The following LY6D variants were observed in gnomAD, a reference collection of about 807,000 sequenced individuals.
The protein encoded by LY6D is lymphocyte antigen 6D.
A neutral mutation model predicts 5.6 loss-of-function variants in LY6D; 7 were observed. The observed-to-expected ratio is 1.24, with a 90% CI of 0.71 to 2.34. LY6D has a LOEUF of 2.34. Among genes scored for constraint, LY6D ranks in the 30% most tolerant of loss-of-function variants. The pLI is 0.00. For missense variants in LY6D, 148 were observed against 164.8 expected, an observed-to-expected ratio of 0.90 and a Z score of 0.56; for synonymous variants, 81 against 75.0, an observed-to-expected ratio of 1.08 and a Z score of -0.41.
chr8:142,785,602 C>A lies in LY6D; in HGVS notation c.138G>T (p.Lys46Asn). ...VVCPASSRFCKTTNTVEPLRG... is the reference protein window; with the variant it reads ...VVCPASSRFCNTTNTVEPLRG... ...GATGCTACCCACCTGTGTTCGTGGT[C>A]TTGCAGAAGCGAGAGCTGGCCGGGC... The change falls in exon 2 of 3, where the codon AAG becomes AAT. Residue 46 changes from lysine to asparagine, a missense_variant. By Grantham distance (94) the Lys-to-Asn change is moderately conservative. Coordinates refer to ENST00000301263, the MANE Select transcript of LY6D (RefSeq NM_003695.3). 1 of 1,613,664 alleles carries A rather than the reference C, an allele frequency of 6.2e-7. No individual in the cohort carries two copies. The highest frequency in any genetic ancestry group is 8.5e-7 in the Non-Finnish European group (1 of 1,179,972).
At chr8:142,786,281 G>A (rs1815653844) in intron 1 of LY6D, 184 bp downstream of exon 1, 5 of 1,367,688 alleles carry the variant, frequency 3.7e-6, no homozygotes, top group African/African-American at 1.5e-5. Context: ...CTCAGATTCT[G>A]AAACATTGTA....
chr8:142,785,692 C>A lies in LY6D; in HGVS notation c.53-5G>T, dbSNP rs376235496. The A allele has an allele frequency of 1.6e-5, 26 of 1,612,988 alleles. No individual in the cohort carries two copies. Among genetic ancestry groups the A allele is most frequent in the African/African-American group, 1.6e-4 (12 of 74,910 alleles). ...CGTGGCAGCGCAGGGTAAGGGCTGG[C>A]GGGGAGGGAGTCCGGCTCAGCGGGC... On this transcript the variant is annotated splice_region_variant and splice_polypyrimidine_tract_variant and intron_variant, in intron 1 of 2. Transcript: ENST00000301263.
chr8:142,786,030 A>G, intron 1 of LY6D: 3 of 1,205,020 alleles, frequency 2.5e-6, no homozygotes, highest in Non-Finnish European at 1.0e-6. Context: ...GGAGATGGCT[A>G]TGTTTCTGAG....
chr8:142,786,510 T>G lies in LY6D; in HGVS notation c.7A>C (p.Thr3Pro). 5 of 1,545,062 alleles carry G rather than the reference T, an allele frequency of 3.2e-6. No individual in the cohort carries two copies. Among genetic ancestry groups the G allele is most frequent in the Non-Finnish European group, 3.5e-6 (4 of 1,143,530 alleles). The change falls in exon 1 of 3, where the codon ACA becomes CCA. Residue 3 changes from threonine (T) to proline (P), a missense_variant. Transcript: ENST00000301263. Reference sequence around the variant, plus strand: ...AGGGCTGCAAGGAGCAGCAATGCTGTCCTCATCTCTGATGTCGTCTGGGAG... The same window carrying G: ...AGGGCTGCAAGGAGCAGCAATGCTGGCCTCATCTCTGATGTCGTCTGGGAG... The part of the protein sequence containing the change: MR[T>P]ALLLLAALAV...
At position 142,785,357 on chromosome 8, in the gene LY6D, G is replaced by A; in HGVS notation, c.251C>T (p.Thr84Ile). 6.2e-7 allele frequency: 1 copy of A among 1,613,738 alleles called. No homozygotes were observed. Among genetic ancestry groups the A allele is most frequent in the South Asian group, 1.1e-5 (1 of 91,080 alleles). ...GCACAGGTCCTCCTGGCAGCACTGG[G>A]TGGAGCTGGTGCCGCTGCTGACCTG... ...QGQVSSGTSS[T>I]QCCQEDLCNE... Residue 84 changes from threonine (T) to isoleucine (I), a missense_variant, in exon 3 of 3, where the codon ACC (threonine) becomes ATC (isoleucine). Transcript: ENST00000301263.
Position 142,785,142 on chromosome 8 carries a change from G to T in LY6D, c.*79C>A. ...TCAGCCTGGGGCTCCTGGCACCCCC[G>T]TTGCGGCTGGGGAAGAGAGGTGTGG... On this transcript the variant is annotated 3_prime_UTR_variant, in exon 3 of 3. Transcript: ENST00000301263. The T allele has an allele frequency of 1.7e-6, 2 of 1,195,318 alleles. No individual in the cohort carries two copies. The highest frequency in any genetic ancestry group is 1.2e-6 in the Non-Finnish European group (1 of 856,084). The allele number at this position is 1,195,318 out of a possible 1,614,324, so 74.0% of individuals were successfully genotyped here.
intron 1 of LY6D, chr8:142,786,228 C>T: frequency 7.4e-7 from 1 of 1,347,994 alleles, no homozygotes; most frequent in Non-Finnish European, 9.5e-7. Context: ...CCCCCTGCTC[C>T]ACTCTCTCAG....
Position 142,785,263 on chromosome 8 carries a change from C to G in LY6D, c.345G>C (p.Leu115=), listed in dbSNP as rs139532798. ...ALAHSALSLG[L]ALSLLAVILA... ...AGATGACGGCCAGGAGGCTCAGGGC[C>G]AGCCCCAGGCTGAGGGCACTGTGGG... The change falls in exon 3 of 3, where the codon CTG becomes CTC. Residue 115 remains leucine (L), a synonymous_variant. Transcript: ENST00000301263. 739 of 1,611,852 alleles carry G rather than the reference C, an allele frequency of 4.6e-4. No homozygotes were observed. Among genetic ancestry groups the G allele is most frequent in the Non-Finnish European group, 5.9e-4 (690 of 1,178,770 alleles).
intron 1 of LY6D, chr8:142,785,904 T>C: frequency 1.4e-6 from 2 of 1,413,062 alleles, no homozygotes; most frequent in Non-Finnish European, 1.8e-6. Flanking sequence ...GGAAGAGGTG[T>C]CCTGCCCTGC....
At position 142,785,156 on chromosome 8, in the gene LY6D, A is replaced by C; in HGVS notation, c.*65T>G. 3.1e-6 allele frequency: 4 copies of C among 1,295,552 alleles called. No homozygotes were observed. The highest frequency in any genetic ancestry group is 1.5e-5 in the African/African-American group (1 of 68,338). The allele number at this position is 1,295,552 out of a possible 1,614,324, so 80.3% of individuals were successfully genotyped here. On this transcript the variant is annotated 3_prime_UTR_variant, in exon 3 of 3. Coordinates refer to ENST00000301263, the MANE Select transcript of LY6D (RefSeq NM_003695.3). ...CTGGCACCCCCGTTGCGGCTGGGGA[A>C]GAGAGGTGTGGAATCCCCAGAGAAA... is the stretch of plus-strand genomic sequence containing the variant.
chr8:142,785,194 C>T lies in LY6D; in HGVS notation c.*27G>A. ...ATCCCCAGAGAAAGGGAAGGAAAGG[C>T]ATGAGGGGCCTTCCCTGGGGGGAAG... On this transcript the variant is annotated 3_prime_UTR_variant, in exon 3 of 3. Coordinates refer to ENST00000301263, the MANE Select transcript of LY6D (RefSeq NM_003695.3). The T allele has an allele frequency of 6.5e-7, 1 of 1,549,826 alleles. No homozygotes were observed. Among genetic ancestry groups the T allele is most frequent in the Non-Finnish European group, 8.8e-7 (1 of 1,129,952 alleles).
chr8:142,785,877 C>CA, intron 1 of LY6D, 190 bp from the exon 2 acceptor site: 1 of 1,424,284 alleles, frequency 7.0e-7, no homozygotes, highest in Non-Finnish European at 9.2e-7. Flanking sequence ...GACATGTATT[C>CA]CAGCCTGGGC....
chr8:142,785,604 T>G lies in LY6D; in HGVS notation c.136A>C (p.Lys46Gln). Residue 46 changes from lysine (K) to glutamine (Q), a missense_variant, in exon 2 of 3, where the codon AAG becomes CAG. Transcript: ENST00000301263. The part of the protein sequence containing the change: ...VVCPASSRFC[K>Q]TTNTVEPLRG... ...TGCTACCCACCTGTGTTCGTGGTCT[T>G]GCAGAAGCGAGAGCTGGCCGGGCAG... 2 of 1,613,656 alleles carry G rather than the reference T, an allele frequency of 1.2e-6. No homozygotes were observed. Among genetic ancestry groups the G allele is most frequent in the Non-Finnish European group, 1.7e-6 (2 of 1,179,950 alleles).
In LY6D at chr8:142,785,340, C is replaced by T; in HGVS notation, c.268G>A (p.Asp90Asn). The change falls in exon 3 of 3, where the codon GAC becomes AAC. Residue 90 changes from aspartate (D) to asparagine (N), a missense_variant. Physicochemically the swap from Asp to Asn is conservative, Grantham distance 23 (BLOSUM62 1). Transcript: ENST00000301263. The stretch of plus-strand genomic sequence containing the variant: ...TTGTGCAGCTTCTCATTGCACAGGT[C>T]CTCCTGGCAGCACTGGGTGGAGCTG... Reference protein sequence around the residue: ...GTSSTQCCQEDLCNEKLHNAA... With the variant: ...GTSSTQCCQENLCNEKLHNAA... 6.2e-7 allele frequency: 1 copy of T among 1,613,776 alleles called. No individual in the cohort carries two copies. The highest frequency in any genetic ancestry group is 1.1e-5 in the South Asian group (1 of 91,068).
Position 142,785,140 on chromosome 8 carries a change from C to G in LY6D, c.*81G>C. 1 of 1,167,840 alleles carries G rather than the reference C, an allele frequency of 8.6e-7. No homozygotes were observed. Among genetic ancestry groups the G allele is most frequent in the East Asian group, 2.5e-5 (1 of 39,630 alleles). The allele number at this position is 1,167,840 out of a possible 1,614,324, so 72.3% of individuals were successfully genotyped here. On this transcript the variant is annotated 3_prime_UTR_variant, in exon 3 of 3. Coordinates refer to ENST00000301263, the MANE Select transcript of LY6D (RefSeq NM_003695.3). ...CCTCAGCCTGGGGCTCCTGGCACCC[C>G]CGTTGCGGCTGGGGAAGAGAGGTGT...
rs747058296 is a variant in LY6D, at chr8:142,785,142, G to A, written c.*79C>T. The A allele has an allele frequency of 1.1e-5, 13 of 1,195,318 alleles. No individual in the cohort carries two copies. Among genetic ancestry groups the A allele is most frequent in the East Asian group, 1.0e-4 (4 of 39,902 alleles). The allele number at this position is 1,195,318 out of a possible 1,614,324, so 74.0% of individuals were successfully genotyped here. On this transcript the variant is annotated 3_prime_UTR_variant, in exon 3 of 3. Coordinates refer to ENST00000301263, the MANE Select transcript of LY6D (RefSeq NM_003695.3). ...TCAGCCTGGGGCTCCTGGCACCCCC[G>A]TTGCGGCTGGGGAAGAGAGGTGTGG...
intron 1 of LY6D, chr8:142,785,890 G>A (rs1189261087): frequency 2.9e-5 from 41 of 1,419,372 alleles, no homozygotes; most frequent in Non-Finnish European, 3.6e-5. Context: ...GCCTGGGCCG[G>A]CTTGGAAGAG....
intron 1 of LY6D, chr8:142,785,972 G>T: frequency 3.1e-6 from 4 of 1,308,980 alleles, no homozygotes; most frequent in Non-Finnish European, 3.9e-6. Flanking sequence ...CTCTGCGACT[G>T]CCAAGAGGAC....
rs556373871 is a variant in LY6D at position 142,785,759 on chromosome 8, C to G, written c.53-72G>C. 8,074 of 1,583,126 alleles carry G rather than the reference C, an allele frequency of 5.1e-3. 24 individuals are homozygous for G. Among genetic ancestry groups the G allele is most frequent in the Non-Finnish European group, 6.4e-3 (7,511 of 1,164,550 alleles). On this transcript the variant is annotated intron_variant, in intron 1 of 2. Coordinates refer to ENST00000301263, the MANE Select transcript of LY6D (RefSeq NM_003695.3). ...GGTGACTCAGCAGGGCCTGCTCCCCCACCTGCAGAGACCCCTCCTGGACAG... is the reference window on the plus strand; with the variant it reads ...GGTGACTCAGCAGGGCCTGCTCCCCGACCTGCAGAGACCCCTCCTGGACAG...
Sources: gnomAD v4.1 joint callset for allele counts on GRCh38, gnomAD v4.1.1 for gene constraint, MANE v1.5 for transcripts, NCBI Gene and HGNC (gene_info 2026-07-23, HGNC 2026-07-21) for gene names.